The following SLCO5A1 variants were observed in gnomAD, a reference collection of about 807,000 sequenced individuals.
SLCO5A1 encodes solute carrier organic anion transporter family member 5A1, also known as organic anion transporter polypeptide-related protein 4.
Under a neutral mutation model 65.1 loss-of-function variants are expected in SLCO5A1, and 39 were observed. The ratio of observed to expected loss-of-function variants is 0.60; its 90% CI spans 0.46 to 0.78. The LOEUF is 0.78. SLCO5A1 is among the 30% of genes least tolerant of loss of function. The pLI is 0.00. For missense variants in SLCO5A1, 1,029 were observed against 1,069.4 expected, an observed-to-expected ratio of 0.96 and a Z score of 0.53; for synonymous variants, 438 against 415.7, an observed-to-expected ratio of 1.05 and a Z score of -0.65.
intron 3 of SLCO5A1, among the ~76,000 whole-genome samples, chr8:69,759,617 G>A (rs1817674657): frequency 6.6e-6 from 1 of 152,066 alleles, no homozygotes; most frequent in Non-Finnish European, 1.5e-5. Flanking sequence ...TGGATTCAGG[G>A]TCTATACTCT....
At chr8:69,763,884 T>G (rs1817924733) in intron 2 of SLCO5A1, among the ~76,000 whole-genome samples, 1 of 152,104 alleles carries the variant, frequency 6.6e-6, no homozygotes, top group African/African-American at 2.4e-5. Context: ...CACTTTTTTT[T>G]TTGAGACGGA....
chr8:69,682,543 G>C (rs1813830276), intron 6 of SLCO5A1, among the ~76,000 whole-genome samples, 200 bp from the exon 7 acceptor site: 1 of 152,070 alleles, frequency 6.6e-6, no homozygotes, highest in African/African-American at 2.4e-5. Flanking sequence ...TCAACTTACT[G>C]GTATTACAGA....
chr8:69,713,036 T>C (rs1346681113), intron 5 of SLCO5A1, among the ~76,000 whole-genome samples: 1 of 152,180 alleles, frequency 6.6e-6, no homozygotes, highest in East Asian at 1.9e-4. Flanking sequence ...TTTACCAAGA[T>C]TCTGAATTGA....
At chr8:69,801,988 T>C (rs1819760751) in intron 2 of SLCO5A1, among the ~76,000 whole-genome samples, 1 of 152,216 alleles carries the variant, frequency 6.6e-6, no homozygotes, top group African/African-American at 2.4e-5. Flanking sequence ...ATTTTATTTC[T>C]CTGCTCCTCA....
intron 6 of SLCO5A1, among the ~76,000 whole-genome samples, chr8:69,696,865 A>C (rs1329224204): frequency 6.6e-6 from 1 of 152,230 alleles, no homozygotes; most frequent in African/African-American, 2.4e-5. Context: ...TGCTATGAAA[A>C]GGGAACACTC....
At chr8:69,678,266 T>C (rs1016305442) in intron 8 of SLCO5A1, among the ~76,000 whole-genome samples, 1 of 152,112 alleles carries the variant, frequency 6.6e-6, no homozygotes, top group Non-Finnish European at 1.5e-5. Flanking sequence ...ACAAGTTTTA[T>C]TGGGGGTCTG....
intron 2 of SLCO5A1, among the ~76,000 whole-genome samples, chr8:69,816,249 T>C (rs1456650640): frequency 6.6e-6 from 1 of 152,106 alleles, no homozygotes; most frequent in East Asian, 1.9e-4. Context: ...CACGATGAAA[T>C]ACCTCAGACC....
intron 5 of SLCO5A1, among the ~76,000 whole-genome samples, chr8:69,722,310 A>G (rs942209893): frequency 6.6e-6 from 1 of 152,228 alleles, no homozygotes; most frequent in African/African-American, 2.4e-5. Context: ...TTCAAAGCAC[A>G]TTCACATCAA....
chr8:69,732,436 G>A (rs983309153), intron 5 of SLCO5A1, among the ~76,000 whole-genome samples: 14 of 152,176 alleles, frequency 9.2e-5, no homozygotes, highest in African/African-American at 2.9e-4. Flanking sequence ...GAAAACAGAC[G>A]TTGTGGACCA....
chr8:69,783,929 T>G (rs1290155224), intron 2 of SLCO5A1, among the ~76,000 whole-genome samples: 1 of 152,138 alleles, frequency 6.6e-6, no homozygotes, highest in Non-Finnish European at 1.5e-5. Context: ...CAATGTAAGT[T>G]CATCACTTGT....
intron 2 of SLCO5A1, among the ~76,000 whole-genome samples, chr8:69,778,018 AT>A (rs1253302678): frequency 6.6e-6 from 1 of 152,214 alleles, no homozygotes; most frequent in Non-Finnish European, 1.5e-5. Context: ...ATCATAGTAT[AT>A]TCTTGCAATT....
intron 3 of SLCO5A1, chr8:69,761,271 G>A (rs1318830822): frequency 1.2e-5 from 2 of 167,504 alleles, no homozygotes; most frequent in African/African-American, 4.8e-5. Flanking sequence ...AGTTCTGGAG[G>A]TCAGAAGTGT....
intron 2 of SLCO5A1, 127 bp from the exon 3 acceptor site, chr8:69,762,002 CT>C: frequency 8.6e-7 from 1 of 1,156,696 alleles, no homozygotes; most frequent in Non-Finnish European, 1.2e-6. Context: ...AAACGGAGAC[CT>C]TTGGAGATTT....
At chr8:69,807,049 AAAG>A (rs1820022515) in intron 2 of SLCO5A1, among the ~76,000 whole-genome samples, 2 of 152,350 alleles carry the variant, frequency 1.3e-5, no homozygotes, top group African/African-American at 4.8e-5. Flanking sequence ...TCCTAAGCAA[AAAG>A]AATAAAGCTG....
At chr8:69,718,802 C>T (rs1168343217) in intron 5 of SLCO5A1, among the ~76,000 whole-genome samples, 1 of 152,152 alleles carries the variant, frequency 6.6e-6, no homozygotes, top group Non-Finnish European at 1.5e-5. Context: ...AGTTTACAAT[C>T]TAACGTGGGA....
At chr8:69,811,939 TAAC>T (rs971645968) in intron 2 of SLCO5A1, among the ~76,000 whole-genome samples, 9 of 152,180 alleles carry the variant, frequency 5.9e-5, no homozygotes, top group Non-Finnish European at 1.2e-4. Context: ...GCCACTCTCT[TAAC>T]AAACAACTAC....
At chr8:69,768,213 C>A (rs1818162746) in intron 2 of SLCO5A1, among the ~76,000 whole-genome samples, 1 of 152,318 alleles carries the variant, frequency 6.6e-6, no homozygotes, top group Admixed American at 6.5e-5. Flanking sequence ...GCCTGTGCAA[C>A]AGAGTAAGAC....
chr8:69,813,334 G>GTA (rs1302976979), intron 2 of SLCO5A1, among the ~76,000 whole-genome samples: 1 of 152,242 alleles, frequency 6.6e-6, no homozygotes, highest in Non-Finnish European at 1.5e-5. Flanking sequence ...GCCAGGAGCT[G>GTA]TACCATTCCA....
intron 5 of SLCO5A1, among the ~76,000 whole-genome samples, chr8:69,724,210 A>G (rs1028570034): frequency 1.3e-4 from 20 of 152,234 alleles, no homozygotes; most frequent in African/African-American, 4.6e-4. Context: ...GTATTTATAC[A>G]GTACCTATTT....
Sources: allele counts gnomAD v4.1 joint callset (sites outside exome capture counted in the v4.1 genomes callset), GRCh38; gene constraint gnomAD v4.1.1; transcripts MANE v1.5; gene names NCBI Gene and HGNC (gene_info 2026-07-23, HGNC 2026-07-21).